MRPL11: variants seen among roughly 807,000 people sequenced by gnomAD.
The protein encoded by MRPL11 is large ribosomal subunit protein uL11m.
A neutral mutation model predicts 19.1 loss-of-function variants in MRPL11; 21 were observed. That is an observed-to-expected ratio of 1.10 (90% confidence interval 0.78 to 1.58). MRPL11 has a LOEUF of 1.58. Ranked by LOEUF, MRPL11 falls within the 40% of genes most tolerant of loss-of-function variation. The pLI is 0.00. For missense variants in MRPL11, 242 were observed against 243.9 expected (o/e 0.99, Z 0.05); for synonymous variants, 108 against 99.7 (o/e 1.08, Z -0.49).
intron 2 of MRPL11, 57 bp from the exon 3 acceptor site, chr11:66,437,500 C>A: frequency 6.7e-7 from 1 of 1,498,354 alleles, no homozygotes. Flanking sequence ...TCCCAGGGAA[C>A]TTCTAATGTC....
intron 2 of MRPL11, among the ~76,000 whole-genome samples, chr11:66,437,811 T>C (rs1857016037): frequency 1.3e-5 from 2 of 151,782 alleles, no homozygotes; most frequent in African/African-American, 4.8e-5. Flanking sequence ...GAGGAGGAGA[T>C]TGCAGTGAGC....
chr11:66,436,162 G>C, intron 4 of MRPL11, 50 bp from the exon 5 acceptor site: 3 of 1,495,302 alleles, frequency 2.0e-6, no homozygotes, highest in Non-Finnish European at 2.8e-6. Context: ...TCACCAGTGG[G>C]AGCTCACAGG....
rs745895029 is a variant in MRPL11, at chr11:66,435,405, C to A, written c.*602G>T. The A allele has an allele frequency of 1.3e-5, 2 of 152,296 alleles. No individual in the cohort carries two copies. Among genetic ancestry groups the A allele is most frequent in the African/African-American group, 4.8e-5 (2 of 41,448 alleles). The allele number at this position is 152,296 out of a possible 1,614,324, so 9.4% of individuals were successfully genotyped here. Reference sequence around the variant, plus strand: ...AGCTTAGTAGAAGGGCCTGAAGTAGCCCCTGGGATCTGGGTACTCCATGTA... The same window carrying A: ...AGCTTAGTAGAAGGGCCTGAAGTAGACCCTGGGATCTGGGTACTCCATGTA... On this transcript the variant is annotated 3_prime_UTR_variant, in exon 5 of 5. Transcript: ENST00000310999.
chr11:66,438,290 A>T (rs755776793), intron 1 of MRPL11, 31 bp from the exon 2 acceptor site: 15 of 1,542,726 alleles, frequency 9.7e-6, no homozygotes, highest in South Asian at 8.9e-5. Flanking sequence ...GTTAGTGGTG[A>T]GAGGAGGGGA....
intron 4 of MRPL11, 64 bp from the exon 5 acceptor site, chr11:66,436,176 CTA>C: frequency 2.8e-6 from 4 of 1,428,224 alleles, no homozygotes; most frequent in Non-Finnish European, 3.9e-6. Context: ...TCACAGGACC[CTA>C]TGTCTTGCAG....
At position 66,438,686 on chromosome 11, in the gene MRPL11, G is replaced by C. The variant is rs1457806475; in HGVS notation, c.69C>G (p.Ile23Met). Reference sequence around the variant, plus strand: ...CGGGCATGGCCAGGCCTGCCCGCACGATCGCCCGGATCACACCGCCGACCT... The same window carrying C: ...CGGGCATGGCCAGGCCTGCCCGCACCATCGCCCGGATCACACCGCCGACCT... ...KPEVGGVIRA[I>M]VRAGLAMPGP... The change falls in exon 1 of 5, where the codon ATC becomes ATG. Residue 23 changes from isoleucine (I) to methionine (M), a missense_variant. Transcript: ENST00000310999. The C allele has an allele frequency of 1.9e-6, 3 of 1,577,446 alleles. No individual in the cohort carries two copies. The highest frequency in any genetic ancestry group is 2.6e-6 in the Non-Finnish European group (3 of 1,159,796).
chr11:66,437,280 AG>A lies in MRPL11; in HGVS notation c.314-18del. On this transcript the variant is annotated intron_variant, in intron 3 of 4. Coordinates refer to ENST00000310999, the MANE Select transcript of MRPL11 (RefSeq NM_016050.5). ...CCTCTTTCCCTGGGAGGAAGGAACA[AG>A]TGGCTCTTCAGGTGTTACTGCTTCC... 1 of 1,614,076 alleles carries A rather than the reference AG, an allele frequency of 6.2e-7. No individual in the cohort carries two copies. The highest frequency in any genetic ancestry group is 8.5e-7 in the Non-Finnish European group (1 of 1,179,940).
In MRPL11 at chr11:66,435,953, G is replaced by A. The variant is rs1856956574; in HGVS notation, c.*54C>T. On this transcript the variant is annotated 3_prime_UTR_variant, in exon 5 of 5. Transcript: ENST00000310999. ...TGGTGTGACCTCCTTCCTCCCCTTG[G>A]GCACAGCTTTTGCAACTACCTCCTT... 2 of 1,374,188 alleles carry A rather than the reference G, an allele frequency of 1.5e-6. No individual in the cohort carries two copies. The highest frequency in any genetic ancestry group is 2.3e-5 in the East Asian group (1 of 43,502). The allele number at this position is 1,374,188 out of a possible 1,614,324, so 85.1% of individuals were successfully genotyped here. A position where few individuals can be genotyped will look rare whatever the true frequency, so the allele number is the denominator to read the frequency against.
intron 2 of MRPL11, 60 bp from the exon 3 acceptor site, chr11:66,437,503 CTAA>C (rs1388116779): frequency 1.3e-6 from 2 of 1,499,604 alleles, no homozygotes; most frequent in South Asian, 1.1e-5. Context: ...CAGGGAACTT[CTAA>C]TGTCTTGCCC....
In MRPL11 at chr11:66,435,944, C is replaced by T; in HGVS notation, c.*63G>A. On this transcript the variant is annotated 3_prime_UTR_variant, in exon 5 of 5. Transcript: ENST00000310999. ...TCATCATATTGGTGTGACCTCCTTC[C>T]TCCCCTTGGGCACAGCTTTTGCAAC... 4 of 1,241,116 alleles carry T rather than the reference C, an allele frequency of 3.2e-6. No homozygotes were observed. Among genetic ancestry groups the T allele is most frequent in the Admixed American group, 3.6e-5 (2 of 55,748 alleles). The allele number at this position is 1,241,116 out of a possible 1,614,324, so 76.9% of individuals were successfully genotyped here. A position where few individuals can be genotyped will look rare whatever the true frequency, so the allele number is the denominator to read the frequency against.
At chr11:66,438,495 A>C (rs1857033839) in intron 1 of MRPL11, 137 bp downstream of exon 1, 1 of 1,220,340 alleles carries the variant, frequency 8.2e-7, no homozygotes, top group South Asian at 1.5e-5. Flanking sequence ...AACCAGCACA[A>C]GGACATAAAG....
At chr11:66,436,892 A>G (rs1856982435) in intron 4 of MRPL11, 1 of 1,614,026 alleles carries the variant, frequency 6.2e-7, no homozygotes, top group Admixed American at 1.7e-5. Context: ...ATTTCTTAGA[A>G]CATTTGCAGA....
rs1485906046 is a variant in MRPL11, at chr11:66,437,349, C to A, written c.313+1G>T. On this transcript the variant is annotated splice_donor_variant, in intron 3 of 4. Transcript: ENST00000310999. LOFTEE classifies it high-confidence loss of function. ...TCTCAGATGCTTACCCTGGCCCTCACCTGTTTGCCGGGCCCCCTTTTCAAT... is the reference window on the plus strand; with the variant it reads ...TCTCAGATGCTTACCCTGGCCCTCAACTGTTTGCCGGGCCCCCTTTTCAAT... 3 of 1,614,074 alleles carry A rather than the reference C, an allele frequency of 1.9e-6. No homozygotes were observed. The highest frequency in any genetic ancestry group is 2.2e-5 in the East Asian group (1 of 44,898).
At chr11:66,436,960 C>T (rs749904214) in intron 4 of MRPL11, 144 bp downstream of exon 4, 1 of 1,565,566 alleles carries the variant, frequency 6.4e-7, no homozygotes, top group Non-Finnish European at 8.8e-7. Context: ...ATGAATGTGG[C>T]CTCCCACCCC....
chr11:66,437,285 C>T, intron 3 of MRPL11, 22 bp from the exon 4 acceptor site: 1 of 1,614,078 alleles, frequency 6.2e-7, no homozygotes, highest in South Asian at 1.1e-5. Flanking sequence ...GAACAAGTGG[C>T]TCTTCAGGTG....
intron 4 of MRPL11, chr11:66,436,818 C>T (rs1429492344): frequency 1.2e-6 from 2 of 1,612,918 alleles, no homozygotes; most frequent in Admixed American, 3.3e-5. Context: ...CCACTTGCCT[C>T]TAGGACGACA....
Position 66,437,404 on chromosome 11 carries a change from C to G in MRPL11, c.259G>C (p.Val87Leu). 1 of 1,614,122 alleles carries G rather than the reference C, an allele frequency of 6.2e-7. No individual in the cohort carries two copies. The highest frequency in any genetic ancestry group is 1.3e-5 in the African/African-American group (1 of 75,032). Residue 87 changes from valine (V) to leucine (L), a missense_variant, in exon 3 of 5, where the codon GTT becomes CTT. Coordinates refer to ENST00000310999, the MANE Select transcript of MRPL11 (RefSeq NM_016050.5). ...TFEIKIGQPTVSYFLKAAAGI... is the reference protein window; with the variant it reads ...TFEIKIGQPTLSYFLKAAAGI... The stretch of plus-strand genomic sequence containing the variant: ...GCTGCTGCCTTCAGGAAGTAGGAAA[C>G]AGTGGGCTGTCCAATCTTAATTTCA...
At chr11:66,437,773 C>T (rs1857015205) in intron 2 of MRPL11, among the ~76,000 whole-genome samples, 1 of 152,110 alleles carries the variant, frequency 6.6e-6, no homozygotes. Flanking sequence ...ACTCGGGAGG[C>T]TGAGGCAGGA....
Position 66,437,216 on chromosome 11 carries a change from C to T in MRPL11, c.361G>A (p.Ala121Thr). 2 of 1,614,206 alleles carry T rather than the reference C, an allele frequency of 1.2e-6. No individual in the cohort carries two copies. The highest frequency in any genetic ancestry group is 1.7e-6 in the Non-Finnish European group (2 of 1,180,038). The part of the protein sequence containing the change: ...LVTLKHVYEI[A>T]RIKAQDEAFA... ...GCCTCATCCTGAGCTTTGATGCGGG[C>T]AATCTCATACACATGCTTCAAGGTC... is the stretch of plus-strand genomic sequence containing the variant. Residue 121 changes from alanine to threonine, a missense_variant, in exon 4 of 5, where the codon GCC (alanine) becomes ACC (threonine). Ala to Thr is a moderately conservative substitution (Grantham distance 58, BLOSUM62 0). Transcript: ENST00000310999.
Sources: gnomAD v4.1 joint callset for allele counts (sites outside exome capture counted in the v4.1 genomes callset) on GRCh38, gnomAD v4.1.1 for gene constraint, MANE v1.5 for transcripts, NCBI Gene and HGNC (gene_info 2026-07-23, HGNC 2026-07-21) for gene names.